Variants in FAS observed in about 807,000 individuals in gnomAD.
The protein encoded by FAS is Fas cell surface death receptor.
Under a neutral mutation model 33.2 loss-of-function variants are expected in FAS, and 5 were observed. The ratio of observed to expected loss-of-function variants is 0.15; its 90% CI spans 0.08 to 0.32. FAS has a LOEUF of 0.32. Ranked by LOEUF, FAS falls within the 10% of genes least tolerant of loss-of-function variation. The pLI, the probability that FAS is intolerant of heterozygous loss-of-function variation, is 1.00. For missense variants in FAS, 339 were observed against 386.0 expected (o/e 0.88, Z 1.02); for synonymous variants, 131 against 130.7 (o/e 1.00, Z -0.01).
At chr10:89,003,317 G>T (rs545824552) in intron 2 of FAS, 123 bp downstream of exon 2, 5 of 995,490 alleles carry the variant, frequency 5.0e-6, no homozygotes, top group African/African-American at 4.9e-5. Flanking sequence ...ATAACTGAGA[G>T]AAAAACAACT....
At chr10:88,969,701 G>A (rs868386748) in intron 1 of FAS, among the ~76,000 whole-genome samples, 6 of 151,958 alleles carry the variant, frequency 3.9e-5, no homozygotes, top group Admixed American at 1.3e-4. Context: ...TTTCATATAC[G>A]TTAATAGCAC....
At chr10:88,968,868 G>A (rs907751538) in intron 1 of FAS, among the ~76,000 whole-genome samples, 1 of 152,064 alleles carries the variant, frequency 6.6e-6, no homozygotes, top group Non-Finnish European at 1.5e-5. Flanking sequence ...CCTTCTTCTT[G>A]GAAAGTAGAT....
At chr10:88,975,903 T>C (rs1470707174) in intron 2 of FAS, among the ~76,000 whole-genome samples, 3 of 152,168 alleles carry the variant, frequency 2.0e-5, no homozygotes, top group Non-Finnish European at 4.4e-5. Flanking sequence ...CATAATACTA[T>C]GCAGTGAGAT....
chr10:88,969,125 CT>C (rs1178006934), intron 1 of FAS, among the ~76,000 whole-genome samples: 1 of 152,026 alleles, frequency 6.6e-6, no homozygotes, highest in Non-Finnish European at 1.5e-5. Context: ...AAGACAAACA[CT>C]TTTATAAGTA....
chr10:88,983,701 A>G (rs1312552937), upstream of FAS, among the ~76,000 whole-genome samples: 5 of 149,620 alleles, frequency 3.3e-5, no homozygotes, highest in African/African-American at 9.8e-5. Flanking sequence ...TATTACTGAT[A>G]TCTTATTTTT....
chr10:89,000,817 C>T (rs754991501), intron 1 of FAS, among the ~76,000 whole-genome samples: 8 of 152,142 alleles, frequency 5.3e-5, no homozygotes, highest in East Asian at 3.9e-4. Context: ...GAAGCTGAGG[C>T]GGGAGCATCT....
At chr10:89,004,015 T>A (rs1848080959) in intron 2 of FAS, among the ~76,000 whole-genome samples, 1 of 152,154 alleles carries the variant, frequency 6.6e-6, no homozygotes, top group African/African-American at 2.4e-5. Flanking sequence ...TAATAACCGT[T>A]ATGGAAAAAT....
intron 2 of FAS, among the ~76,000 whole-genome samples, chr10:89,005,596 C>T (rs551450420): frequency 4.6e-5 from 7 of 152,078 alleles, no homozygotes; most frequent in African/African-American, 7.2e-5. Flanking sequence ...AACAAAATAA[C>T]GGCAATATCT....
upstream of FAS, chr10:88,989,376 G>T: frequency 4.7e-5 from 14 of 298,960 alleles, no homozygotes; most frequent in South Asian, 1.5e-4. Context: ...TTTCATTTTG[G>T]AATAGTTTTA....
chr10:88,971,246 A>G (rs1261362878), intron 1 of FAS, among the ~76,000 whole-genome samples: 6 of 152,250 alleles, frequency 3.9e-5, no homozygotes, highest in African/African-American at 1.4e-4. Flanking sequence ...CTCATCTCTA[A>G]GTGTGTGAAG....
chr10:88,979,266 GA>G (rs377193003), intron 2 of FAS, among the ~76,000 whole-genome samples: 2,622 of 146,072 alleles, frequency 0.018, 23 homozygotes, highest in East Asian at 0.067. Context: ...CAAAAAAGCA[GA>G]AAAAAAAAAA....
chr10:88,991,567 A>T (rs1847220672), intron 1 of FAS: 1 of 154,914 alleles, frequency 6.5e-6, no homozygotes, highest in Non-Finnish European at 1.4e-5. Flanking sequence ...ACCGTTTTTT[A>T]TTGTCACACA....
intron 1 of FAS, among the ~76,000 whole-genome samples, chr10:88,972,405 T>A (rs1414264777): frequency 6.6e-6 from 1 of 152,188 alleles, no homozygotes; most frequent in East Asian, 1.9e-4. Flanking sequence ...AGGAAAAAAA[T>A]TGATCTCCTT....
chr10:89,010,597 G>A lies in FAS; in HGVS notation c.502G>A (p.Glu168Lys). 6.2e-7 allele frequency: 1 copy of A among 1,613,812 alleles called. No homozygotes were observed. Among genetic ancestry groups the A allele is most frequent in the Non-Finnish European group, 8.5e-7 (1 of 1,179,840 alleles). Residue 168 changes from glutamate (E) to lysine (K), a missense_variant, in exon 5 of 9, where the codon GAA (glutamate) becomes AAA (lysine). Physicochemically the swap from Glu to Lys is moderately conservative, Grantham distance 56. Coordinates refer to ENST00000652046, the MANE Select transcript of FAS (RefSeq NM_000043.6). ...TLTSNTKCKEEGSRSNLGWLC... is the reference protein window; with the variant it reads ...TLTSNTKCKEKGSRSNLGWLC... ...CACCAGCAACACCAAGTGCAAAGAG[G>A]AAGGTAATTATTTTTTTACGGTTAT...
At chr10:88,984,074 T>C (rs936513152), upstream of FAS, among the ~76,000 whole-genome samples, 3 of 152,240 alleles carry the variant, frequency 2.0e-5, no homozygotes, top group Admixed American at 6.5e-5. Context: ...GGAGGGTTAC[T>C]ATCATTCCTT....
chr10:88,994,742 A>G (rs1415783347), intron 1 of FAS, among the ~76,000 whole-genome samples: 1 of 151,668 alleles, frequency 6.6e-6, no homozygotes, highest in Non-Finnish European at 1.5e-5. Context: ...CATAATTTTT[A>G]TCTCATATTT....
At chr10:88,976,067 A>T (rs1282171396) in intron 2 of FAS, among the ~76,000 whole-genome samples, 2 of 152,222 alleles carry the variant, frequency 1.3e-5, no homozygotes, top group African/African-American at 4.8e-5. Context: ...CATTACTATT[A>T]TCAATTAGTT....
At chr10:88,984,895 T>G (rs1223739141), upstream of FAS, among the ~76,000 whole-genome samples, 3 of 152,206 alleles carry the variant, frequency 2.0e-5, no homozygotes, top group East Asian at 5.8e-4. Flanking sequence ...TTAAAAAATA[T>G]GGTATTCTTC....
At chr10:88,974,186 G>A (rs1431335684) in intron 2 of FAS, 1 of 151,986 alleles carries the variant, frequency 6.6e-6, no homozygotes, top group East Asian at 1.9e-4. Flanking sequence ...ACCAGACATT[G>A]AGAGGACCCA....
Sources: allele counts gnomAD v4.1 joint callset (sites outside exome capture counted in the v4.1 genomes callset), GRCh38; gene constraint gnomAD v4.1.1; transcripts MANE v1.5; gene names NCBI Gene and HGNC (gene_info 2026-07-23, HGNC 2026-07-21).